The following GALNT13 variants were observed in gnomAD, a reference collection of about 807,000 sequenced individuals.
GALNT13 encodes the protein polypeptide N-acetylgalactosaminyltransferase 13, also known as UDP-GalNAc:polypeptide N-acetylgalactosaminyltransferase 13.
Under a neutral mutation model 64.2 loss-of-function variants are expected in GALNT13, and 28 were observed. That is an observed-to-expected ratio of 0.44 (90% CI 0.32 to 0.60). The LOEUF is 0.60. Ranked by LOEUF, GALNT13 falls within the 20% of genes least tolerant of loss-of-function variation. GALNT13 has a pLI of 0.05. For missense variants in GALNT13, 577 were observed against 669.8 expected (o/e 0.86, Z 1.53); for synonymous variants, 214 against 224.6 (o/e 0.95, Z 0.42).
chr2:153,650,531 C>G, the GALNT13 span, among the ~76,000 whole-genome samples: 8 of 152,088 alleles, frequency 5.3e-5, no homozygotes, highest in Non-Finnish European at 1.2e-4. Flanking sequence ...TTATTTTGCT[C>G]TTTAGTTGAT....
At chr2:154,154,908 T>G (rs1684309541) in intron 4 of GALNT13, among the ~76,000 whole-genome samples, 1 of 150,094 alleles carries the variant, frequency 6.7e-6, no homozygotes, top group South Asian at 2.1e-4. Flanking sequence ...GACTAGGAGA[T>G]TTGTGGTTTT....
At chr2:154,198,707 A>T (rs1428457172) in intron 4 of GALNT13, among the ~76,000 whole-genome samples, 1 of 152,040 alleles carries the variant, frequency 6.6e-6, no homozygotes, top group Non-Finnish European at 1.5e-5. Flanking sequence ...TTTTTGAAAA[A>T]ATAAAAAGTA....
At chr2:153,485,010 A>C in the GALNT13 span, among the ~76,000 whole-genome samples, 2 of 152,192 alleles carry the variant, frequency 1.3e-5, no homozygotes, top group South Asian at 4.1e-4. Context: ...ACCAAGAGTT[A>C]TGATTTTTAA....
At chr2:154,288,829 G>C (rs1692431845) in intron 8 of GALNT13, among the ~76,000 whole-genome samples, 1 of 152,216 alleles carries the variant, frequency 6.6e-6, no homozygotes, top group African/African-American at 2.4e-5. Context: ...TCACAGGCTG[G>C]CACGGAGTGC....
At chr2:154,053,880 A>T (rs1330852388) in intron 3 of GALNT13, among the ~76,000 whole-genome samples, 1 of 152,118 alleles carries the variant, frequency 6.6e-6, no homozygotes. Context: ...TTTCAAGTGC[A>T]TCTGTTCTGT....
At chr2:153,308,125 A>G in the GALNT13 span, among the ~76,000 whole-genome samples, 1 of 152,218 alleles carries the variant, frequency 6.6e-6, no homozygotes, top group Non-Finnish European at 1.5e-5. Flanking sequence ...TTTATTTTCT[A>G]TGGACAGTAA....
At chr2:153,163,942 C>T in the GALNT13 span, among the ~76,000 whole-genome samples, 46 of 150,404 alleles carry the variant, frequency 3.1e-4, no homozygotes, top group African/African-American at 1.1e-3. Context: ...GGCGTGAACC[C>T]GGGAGGCAGA....
the GALNT13 span, among the ~76,000 whole-genome samples, chr2:153,530,888 TA>T: frequency 6.6e-6 from 1 of 152,142 alleles, no homozygotes; most frequent in Middle Eastern, 3.4e-3. Flanking sequence ...AAAAATCAAA[TA>T]AAAATTGATT....
At chr2:153,616,601 C>G in the GALNT13 span, among the ~76,000 whole-genome samples, 3 of 151,710 alleles carry the variant, frequency 2.0e-5, no homozygotes, top group Admixed American at 6.6e-5. Flanking sequence ...TCTTCAGTTT[C>G]TTTCATCAGT....
the GALNT13 span, among the ~76,000 whole-genome samples, chr2:153,364,445 G>A: frequency 1.3e-5 from 2 of 152,054 alleles, no homozygotes; most frequent in African/African-American, 4.8e-5. Context: ...AAGCCAAATT[G>A]TCTTTGTTTG....
intron 3 of GALNT13, among the ~76,000 whole-genome samples, chr2:154,059,632 G>T (rs1465325419): frequency 6.6e-6 from 1 of 152,034 alleles, no homozygotes; most frequent in Non-Finnish European, 1.5e-5. Context: ...AGCCCATGGA[G>T]GTATTTCAAA....
At chr2:154,288,115 G>C (rs894763231) in intron 8 of GALNT13, among the ~76,000 whole-genome samples, 3 of 152,136 alleles carry the variant, frequency 2.0e-5, no homozygotes, top group African/African-American at 7.2e-5. Context: ...CACAATCATG[G>C]TGGAAGGCAA....
the GALNT13 span, among the ~76,000 whole-genome samples, chr2:153,708,342 G>T: frequency 6.6e-6 from 1 of 152,102 alleles, no homozygotes; most frequent in African/African-American, 2.4e-5. Flanking sequence ...TGTGGAGTGT[G>T]TATGTGAGAG....
intron 3 of GALNT13, among the ~76,000 whole-genome samples, chr2:154,048,260 C>T (rs928403082): frequency 1.3e-5 from 2 of 152,124 alleles, no homozygotes; most frequent in African/African-American, 4.8e-5. Flanking sequence ...GATCCAGTCA[C>T]CTCCCACGGG....
intron 3 of GALNT13, among the ~76,000 whole-genome samples, chr2:153,956,791 C>T (rs1026915294): frequency 6.6e-6 from 1 of 150,758 alleles, no homozygotes; most frequent in African/African-American, 2.4e-5. Flanking sequence ...AATCCTAGCC[C>T]ACCAGACACT....
the GALNT13 span, among the ~76,000 whole-genome samples, chr2:153,703,209 T>C: frequency 7.2e-5 from 11 of 152,206 alleles, no homozygotes; most frequent in Non-Finnish European, 1.5e-5. Context: ...GTCTTCTCCA[T>C]ACACATTTAA....
the GALNT13 span, among the ~76,000 whole-genome samples, chr2:153,715,955 G>A: frequency 6.6e-6 from 1 of 151,914 alleles, no homozygotes; most frequent in Non-Finnish European, 1.5e-5. Flanking sequence ...AGTTTTCTGG[G>A]TTAAGGATTT....
intron 3 of GALNT13, among the ~76,000 whole-genome samples, chr2:154,058,782 C>G (rs1700029577): frequency 6.6e-6 from 1 of 152,102 alleles, no homozygotes; most frequent in African/African-American, 2.4e-5. Context: ...AGTGAGGTAC[C>G]TCAGGGCCTT....
chr2:153,834,278 C>A, the GALNT13 span, among the ~76,000 whole-genome samples: 1 of 152,134 alleles, frequency 6.6e-6, no homozygotes, highest in South Asian at 2.1e-4. Context: ...GGAAAGTTGC[C>A]AGAGGCCAGG....
Sources: allele counts gnomAD v4.1 joint callset (sites outside exome capture counted in the v4.1 genomes callset), GRCh38; gene constraint gnomAD v4.1.1; transcripts MANE v1.5; gene names NCBI Gene and HGNC (gene_info 2026-07-23, HGNC 2026-07-21).